SLC2A14: variants seen among roughly 807,000 people sequenced by gnomAD.
SLC2A14 encodes the protein solute carrier family 2 member 14.
In SLC2A14, 13 loss-of-function variants were observed where a neutral mutation model predicts 43.0. The ratio of observed to expected loss-of-function variants is 0.30; its 90% confidence interval spans 0.20 to 0.48. SLC2A14 has a LOEUF of 0.48. Among genes scored for constraint, SLC2A14 ranks in the 20% least tolerant of loss-of-function variants. The pLI, the probability that SLC2A14 is intolerant of heterozygous loss-of-function variation, is 0.99. For synonymous variants in SLC2A14, 190 were observed against 233.8 expected (o/e 0.81, Z 1.71); for missense variants, 428 against 620.4 (o/e 0.69, Z 3.29).
chr12:7,826,878 TTTC>T (rs1864448664), intron 7 of SLC2A14, among the ~76,000 whole-genome samples: 1 of 38,234 alleles, frequency 2.6e-5, no homozygotes, highest in Non-Finnish European at 5.2e-5. Flanking sequence ...TCTTTCTTTC[TTTC>T]TTTCTTTCTT....
rs1256906339 is a variant in SLC2A14 at position 7,866,981 on chromosome 12, G to A, written c.18+2882C>T. Among the ~76,000 whole-genome samples, 7 of 149,678 alleles carry A rather than the reference G, an allele frequency of 4.7e-5. No individual in the cohort carries two copies. The East Asian group carries it at 1.2e-3, about 25-fold the overall frequency. On this transcript the variant is annotated intron_variant, in intron 2 of 10. Transcript: ENST00000431042. ...TTTGAGACAGAGTTTCACTTTTGTCGCCCATGCTGGAGTGCAATTGCTCAA... is the reference window on the plus strand; with the variant it reads ...TTTGAGACAGAGTTTCACTTTTGTCACCCATGCTGGAGTGCAATTGCTCAA...
At chr12:7,869,301 C>T (rs117774861) in intron 2 of SLC2A14, among the ~76,000 whole-genome samples, 6,121 of 152,170 alleles carry the variant, frequency 0.04, 200 homozygotes, top group Non-Finnish European at 0.06. Context: ...GAGGTGAGCA[C>T]ATGTGGCAAA....
rs1371895120 is a variant in SLC2A14, at chr12:7,817,779, GACAGATAC to G, written c.1275+44_1275+51del. ...AGATAGATAGATAGATAGATAGATA[GACAGATAC>G]ATAGATAGATACATAGATACATAGA... On this transcript the variant is annotated intron_variant, in intron 10 of 10. Coordinates refer to ENST00000431042, the MANE Select transcript of SLC2A14 (RefSeq NM_001286234.2). 5.6e-5 allele frequency: 89 copies of G among 1,589,238 alleles called. 1 individual carries two copies. In the Admixed American group the frequency reaches 9.7e-4, roughly 17 times the overall value.
At chr12:7,867,679 T>C (rs190135972) in intron 2 of SLC2A14, among the ~76,000 whole-genome samples, 3 of 151,956 alleles carry the variant, frequency 2.0e-5, no homozygotes, top group Admixed American at 1.3e-4. Context: ...ACCCCATCTC[T>C]ACTAAAAATA....
Position 7,812,761 on chromosome 12 carries a change from A to C in SLC2A14, c.*1555T>G, listed in dbSNP as rs2120619512. 6.6e-6 allele frequency: 1 copy of C among 152,322 alleles called. No homozygotes were observed. The highest frequency in any genetic ancestry group is 2.4e-5 in the African/African-American group (1 of 41,558). The allele number at this position is 152,322 out of a possible 1,614,324, so 9.4% of individuals were successfully genotyped here. A position where few individuals can be genotyped will look rare whatever the true frequency, so the allele number is the denominator to read the frequency against. ...AGCAGAGGGAACAGTGAGAACTGAGAACCAAAATACTGTCACTGGCAAGGG... is the reference window on the plus strand; with the variant it reads ...AGCAGAGGGAACAGTGAGAACTGAGCACCAAAATACTGTCACTGGCAAGGG... On this transcript the variant is annotated 3_prime_UTR_variant, in exon 11 of 11. Coordinates refer to ENST00000431042, the MANE Select transcript of SLC2A14 (RefSeq NM_001286234.2).
At position 7,829,942 on chromosome 12, in the gene SLC2A14, T is replaced by A. The variant is rs765766753; in HGVS notation, c.337A>T (p.Lys113Ter). The change falls in exon 5 of 11, where the codon AAA (lysine) becomes TAA (stop). Residue 113 changes from lysine (K) to a stop codon, truncating the protein, a stop_gained. Coordinates refer to ENST00000431042, the MANE Select transcript of SLC2A14 (RefSeq NM_001286234.2). LOFTEE classifies it high-confidence loss of function. ...AGCATTTCAACTGACTCAGCTATTT[T>A]ACACAGTCCCATAAGGCAGCCACCA... ...ATGGCLMGLC[K>*]IAESVEMLIL... 6.2e-7 allele frequency: 1 copy of A among 1,614,072 alleles called. No homozygotes were observed. The highest frequency in any genetic ancestry group is 1.3e-5 in the African/African-American group (1 of 74,932).
chr12:7,855,595 C>T (rs1013628383), intron 2 of SLC2A14, among the ~76,000 whole-genome samples: 9 of 152,066 alleles, frequency 5.9e-5, no homozygotes, highest in African/African-American at 2.2e-4. Flanking sequence ...GAAACGTTTA[C>T]ACATGTACCA....
chr12:7,832,799 T>C lies in SLC2A14; in HGVS notation c.34A>G (p.Ile12Val), dbSNP rs769936060. ...ATTGTAGCAACTGTGATGGCAAAGA[T>C]CAGAGCTGGGGTGACCTGGAGAGAC... is the stretch of plus-strand genomic sequence containing the variant. ...DNRQNVTPAL[I>V]FAITVATIGS... The change falls in exon 3 of 11, where the codon ATC becomes GTC. Residue 12 changes from isoleucine (I) to valine (V), a missense_variant. Around this residue, in one of 4 missense-constraint regions of SLC2A14, gnomAD observed 122 missense variants for 128.8 expected, o/e 0.95. Coordinates refer to ENST00000431042, the MANE Select transcript of SLC2A14 (RefSeq NM_001286234.2). The C allele has an allele frequency of 8.6e-5, 138 of 1,613,990 alleles. No individual in the cohort carries two copies. Among genetic ancestry groups the C allele is most frequent in the Non-Finnish European group, 2.5e-5 (30 of 1,180,036 alleles).
chr12:7,882,552 A>G (rs1314489265), intron 1 of SLC2A14, among the ~76,000 whole-genome samples: 1 of 152,072 alleles, frequency 6.6e-6, no homozygotes, highest in African/African-American at 2.4e-5. Context: ...ATTTGAGGCT[A>G]GCGTCGGCAG....
At position 7,866,703 on chromosome 12, in the gene SLC2A14, G is replaced by A. The variant is rs114042550; in HGVS notation, c.18+3160C>T. ...TTTTATGAAGGCTGAGAAAGGTGAG[G>A]AAGCTGTAGAAGAAATGTTAGAAGG... On this transcript the variant is annotated intron_variant, in intron 2 of 10. Transcript: ENST00000431042. Among the ~76,000 whole-genome samples the A allele has an allele frequency of 6.5e-3, 988 of 152,248 alleles. 10 individuals are homozygous for A. The highest frequency in any genetic ancestry group is 0.022 in the African/African-American group (920 of 41,556).
chr12:7,844,079 C>A (rs5025502), intron 2 of SLC2A14, among the ~76,000 whole-genome samples: 5,177 of 149,098 alleles, frequency 0.035, 152 homozygotes, highest in Non-Finnish European at 0.051. Context: ...ACAGGCATAA[C>A]CATTAACCAG....
intron 8 of SLC2A14, among the ~76,000 whole-genome samples, chr12:7,821,009 C>A (rs1166251300): frequency 6.6e-6 from 1 of 152,046 alleles, no homozygotes; most frequent in Non-Finnish European, 1.5e-5. Flanking sequence ...ATCACTTGAA[C>A]CCAGGAGGCT....
intron 5 of SLC2A14, 83 bp from the exon 6 acceptor site, chr12:7,828,949 G>A (rs953930527): frequency 7.2e-6 from 11 of 1,531,632 alleles, no homozygotes; most frequent in African/African-American, 1.4e-5. Flanking sequence ...TTGGCTGGGC[G>A]CAGTAGCTTA....
At chr12:7,828,224 G>A (rs1216133328) in intron 6 of SLC2A14, among the ~76,000 whole-genome samples, 3 of 152,018 alleles carry the variant, frequency 2.0e-5, no homozygotes, top group African/African-American at 7.2e-5. Context: ...ATTAGCTGGC[G>A]TGGTGTCGCG....
At chr12:7,848,255 C>T (rs1319905754) in intron 2 of SLC2A14, among the ~76,000 whole-genome samples, 1 of 152,038 alleles carries the variant, frequency 6.6e-6, no homozygotes, top group Non-Finnish European at 1.5e-5. Context: ...CATCTTCTGA[C>T]GTGCACAGAA....
At chr12:7,834,391 T>A (rs1053855421) in intron 2 of SLC2A14, among the ~76,000 whole-genome samples, 1 of 151,976 alleles carries the variant, frequency 6.6e-6, no homozygotes, top group South Asian at 2.1e-4. Context: ...GTCTTGAGAA[T>A]CTAAAAAATG....
chr12:7,821,944 C>T (rs2120693423), intron 7 of SLC2A14, among the ~76,000 whole-genome samples: 1 of 151,510 alleles, frequency 6.6e-6, no homozygotes, highest in African/African-American at 2.4e-5. Flanking sequence ...CCTGCCTCAG[C>T]CTCCCAAGTA....
upstream of SLC2A14, chr12:7,891,161 C>T (rs887148021): frequency 6.6e-7 from 1 of 1,525,210 alleles, no homozygotes; most frequent in East Asian, 2.5e-5. Flanking sequence ...GGGAGCAAAG[C>T]CAGCTGCTCC....
chr12:7,872,912 T>G lies in SLC2A14; in HGVS notation c.-163A>C, dbSNP rs1474209110. The G allele has an allele frequency of 2.0e-6, 2 of 985,310 alleles. No individual in the cohort carries two copies. Among genetic ancestry groups the G allele is most frequent in the East Asian group, 2.3e-4 (2 of 8,810 alleles). The allele number at this position is 985,310 out of a possible 1,614,324, so 61.0% of individuals were successfully genotyped here. ...CCCGCCTGCAGCCGTTGGGACCCAC[T>G]AACTGCCTCGAAAAGCCTAGGATTC... On this transcript the variant is annotated 5_prime_UTR_variant, in exon 1 of 11. Transcript: ENST00000431042.
Sources: gnomAD v4.1 joint callset for allele counts (sites outside exome capture counted in the v4.1 genomes callset) on GRCh38, gnomAD v4.1.1 for gene constraint, gnomAD v4.1.1 regional missense constraint, MANE v1.5 for transcripts, NCBI Gene and HGNC (gene_info 2026-07-23, HGNC 2026-07-21) for gene names.